CD109: variants seen among roughly 807,000 people sequenced by gnomAD.
CD109 encodes the protein CD109 molecule, also known as CD109 antigen.
Under a neutral mutation model 165.8 loss-of-function variants are expected in CD109, and 149 were observed. The ratio of observed to expected loss-of-function variants is 0.90; its 90% CI spans 0.79 to 1.03. The LOEUF is 1.03. Among genes scored for constraint, CD109 ranks in the 50% least tolerant of loss-of-function variants. The probability of loss-of-function intolerance (pLI) is 0.00; values close to 1 mark genes in which losing one functional copy is unlikely to be tolerated. For missense variants in CD109, 1,712 were observed against 1,677.8 expected, an observed-to-expected ratio of 1.02 and a Z score of -0.36; for synonymous variants, 585 against 592.1, an observed-to-expected ratio of 0.99 and a Z score of 0.18.
upstream of CD109, among the ~76,000 whole-genome samples, chr6:73,692,423 A>G (rs1455356561): frequency 6.6e-6 from 1 of 152,152 alleles, no homozygotes; most frequent in African/African-American, 2.4e-5. Context: ...AGGAGATATA[A>G]TATATATTTA....
At chr6:73,696,354 C>T (rs1770840028) in intron 1 of CD109, 65 bp downstream of exon 1, 2 of 1,298,226 alleles carry the variant, frequency 1.5e-6, no homozygotes, top group South Asian at 1.8e-5. Context: ...CGGCTCTGGG[C>T]CAGGGCTTCG....
chr6:73,738,066 G>A (rs1772614881), intron 5 of CD109, among the ~76,000 whole-genome samples: 1 of 152,116 alleles, frequency 6.6e-6, no homozygotes, highest in Non-Finnish European at 1.5e-5. Flanking sequence ...TTGTCATGGT[G>A]ACATGAACAA....
intron 3 of CD109, among the ~76,000 whole-genome samples, chr6:73,726,918 A>G (rs556000059): frequency 2.0e-5 from 3 of 152,286 alleles, no homozygotes; most frequent in South Asian, 2.1e-4. Flanking sequence ...AAGGAGTCCA[A>G]AATCTCTGTG....
At chr6:73,739,234 T>C (rs1237231144) in intron 5 of CD109, among the ~76,000 whole-genome samples, 1 of 152,160 alleles carries the variant, frequency 6.6e-6, no homozygotes, top group Non-Finnish European at 1.5e-5. Context: ...GTATGTTAAT[T>C]TGAGGCATTC....
At chr6:73,699,590 T>C (rs543241082) in intron 2 of CD109, among the ~76,000 whole-genome samples, 5 of 152,262 alleles carry the variant, frequency 3.3e-5, no homozygotes, top group African/African-American at 1.2e-4. Context: ...GTGCATGTTG[T>C]TGTGGCTTGG....
chr6:73,807,056 G>A lies in CD109; in HGVS notation c.3173G>A (p.Gly1058Glu). ...GCCTATATTGTAACTTCTCTCCTGG[G>A]ATATAGAAAGTATCAGGTATTTCGT... ...LTAYIVTSLLGYRKYQPNIDV... is the reference protein window; with the variant it reads ...LTAYIVTSLLEYRKYQPNIDV... Residue 1058 changes from glycine to glutamate, a missense_variant, in exon 25 of 33, where the codon GGA (glycine) becomes GAA (glutamate). Physicochemically the swap from Gly to Glu is moderately conservative, Grantham distance 98. Coordinates refer to ENST00000287097, the MANE Select transcript of CD109 (RefSeq NM_133493.5). 6.2e-7 allele frequency: 1 copy of A among 1,610,686 alleles called. No homozygotes were observed. The highest frequency in any genetic ancestry group is 8.5e-7 in the Non-Finnish European group (1 of 1,177,086).
chr6:73,775,368 C>A (rs1329676272), intron 15 of CD109, among the ~76,000 whole-genome samples: 2 of 152,072 alleles, frequency 1.3e-5, no homozygotes, highest in African/African-American at 4.8e-5. Context: ...AAATATCATA[C>A]AATTCTATTA....
upstream of CD109, among the ~76,000 whole-genome samples, chr6:73,691,132 TC>T (rs1316727906): frequency 1.3e-5 from 2 of 152,176 alleles, no homozygotes; most frequent in African/African-American, 4.8e-5. Flanking sequence ...ATTAACACTT[TC>T]TGGACAAAGA....
chr6:73,761,605 C>G (rs1387076444), intron 7 of CD109, among the ~76,000 whole-genome samples: 1 of 152,162 alleles, frequency 6.6e-6, no homozygotes, highest in Non-Finnish European at 1.5e-5. Flanking sequence ...TCACTGCAGC[C>G]TCCACCTCCT....
chr6:73,759,402 C>A (rs1773526431), intron 7 of CD109, among the ~76,000 whole-genome samples: 1 of 151,918 alleles, frequency 6.6e-6, no homozygotes, highest in South Asian at 2.1e-4. Flanking sequence ...TCTTGAACTC[C>A]TGGCCTCACA....
chr6:73,697,077 A>G (rs1301695784), intron 1 of CD109, among the ~76,000 whole-genome samples: 1 of 152,234 alleles, frequency 6.6e-6, no homozygotes. Context: ...TGCTTTGCCA[A>G]TAACTCCATT....
At chr6:73,785,887 C>G (rs925243274) in intron 20 of CD109, among the ~76,000 whole-genome samples, 2 of 151,216 alleles carry the variant, frequency 1.3e-5, no homozygotes, top group Non-Finnish European at 2.9e-5. Flanking sequence ...CTCTGTTGCC[C>G]AGGCTGGAGT....
In CD109 at chr6:73,817,781, A is replaced by G. The variant is rs1259044894; in HGVS notation, c.3912-607A>G. 2.0e-5 allele frequency among the ~76,000 whole-genome samples: 3 copies of G among 152,196 alleles called. No individual in the cohort carries two copies. The East Asian group carries it at 5.8e-4, about 29-fold the overall frequency. The stretch of plus-strand genomic sequence containing the variant: ...TCACGTACAACAGGGCGAGAGAAGG[A>G]TGCAGTGTAATAAAACTTTCCAAGG... On this transcript the variant is annotated intron_variant, in intron 30 of 32. Coordinates refer to ENST00000287097, the MANE Select transcript of CD109 (RefSeq NM_133493.5).
chr6:73,799,507 T>C (rs1254676810), intron 23 of CD109, among the ~76,000 whole-genome samples: 1 of 152,114 alleles, frequency 6.6e-6, no homozygotes, highest in African/African-American at 2.4e-5. Flanking sequence ...GCGCCGGCAT[T>C]TCCCCCTAGG....
At chr6:73,762,713 A>T (rs1287929438) in intron 8 of CD109, 28 bp from the exon 9 acceptor site, 3 of 1,557,474 alleles carry the variant, frequency 1.9e-6, no homozygotes, top group Non-Finnish European at 2.6e-6. Context: ...TAAAATGGTA[A>T]ATAATACTGA....
intron 17 of CD109, 133 bp downstream of exon 17, chr6:73,781,452 G>A (rs745378133): frequency 4.1e-6 from 3 of 730,004 alleles, no homozygotes; most frequent in Non-Finnish European, 6.8e-6. Context: ...CTCCCAAAAT[G>A]TTTGGAGTTT....
intron 5 of CD109, among the ~76,000 whole-genome samples, chr6:73,743,283 G>A (rs1467257243): frequency 6.6e-6 from 1 of 152,124 alleles, no homozygotes; most frequent in Non-Finnish European, 1.5e-5. Flanking sequence ...TTTCGTAACC[G>A]TTGTCTCAAT....
chr6:73,818,471 C>A lies in CD109; in HGVS notation c.3995C>A (p.Ser1332Tyr). The A allele has an allele frequency of 6.2e-7, 1 of 1,613,690 alleles. No homozygotes were observed. Among genetic ancestry groups the A allele is most frequent in the Non-Finnish European group, 8.5e-7 (1 of 1,179,854 alleles). ...SGFMVPSEAISLSETVKKVEY... is the reference protein window; with the variant it reads ...SGFMVPSEAIYLSETVKKVEY... ...TTTATGGTGCCTTCAGAAGCAATTT[C>A]TCTGAGCGAGACAGTGAAGAAAGTG... is the stretch of plus-strand genomic sequence containing the variant. The change falls in exon 31 of 33, where the codon TCT becomes TAT. Residue 1332 changes from serine (S) to tyrosine (Y), a missense_variant. Ser to Tyr is a moderately radical substitution (Grantham distance 144). Coordinates refer to ENST00000287097, the MANE Select transcript of CD109 (RefSeq NM_133493.5).
chr6:73,727,336 C>A (rs777726449), intron 3 of CD109, among the ~76,000 whole-genome samples: 6 of 152,024 alleles, frequency 3.9e-5, no homozygotes, highest in Non-Finnish European at 8.8e-5. Context: ...GCACCCAGGT[C>A]TAATGATTCA....
Sources: gnomAD v4.1 joint callset for allele counts (sites outside exome capture counted in the v4.1 genomes callset) on GRCh38, gnomAD v4.1.1 for gene constraint, MANE v1.5 for transcripts, NCBI Gene and HGNC (gene_info 2026-07-23, HGNC 2026-07-21) for gene names.